Variants in RAVER2 observed in about 807,000 individuals in gnomAD.
RAVER2 encodes ribonucleoprotein, PTB binding 2, also known as ribonucleoprotein PTB-binding 2.
A neutral mutation model predicts 78.1 loss-of-function variants in RAVER2; 46 were observed. The observed-to-expected ratio is 0.59, with a 90% CI of 0.46 to 0.75. The LOEUF (loss-of-function observed/expected upper bound fraction) is 0.75. RAVER2 is among the 30% of genes least tolerant of loss of function. The pLI is 0.00. For missense variants in RAVER2, 793 were observed against 837.5 expected (o/e 0.95, Z 0.66); for synonymous variants, 311 against 313.3 (o/e 0.99, Z 0.08).
At chr1:64,812,261 C>T (rs12047654) in intron 9 of RAVER2, among the ~76,000 whole-genome samples, 7,135 of 147,742 alleles carry the variant, frequency 0.048, 393 homozygotes, top group East Asian at 0.27. Context: ...ACTCAGGAGG[C>T]GGAAGCAGGA....
At chr1:64,807,333 C>A in exon 9 of RAVER2, 1 of 1,614,076 alleles carries the variant, frequency 6.2e-7, no homozygotes, top group South Asian at 1.1e-5. Flanking sequence ...AACAGCCAGC[C>A]ACGGTGGGAA....
chr1:64,829,916 G>A (rs1343743334), intron 11 of RAVER2, among the ~76,000 whole-genome samples: 1 of 152,134 alleles, frequency 6.6e-6, no homozygotes, highest in African/African-American at 2.4e-5. Context: ...GGACCACTGA[G>A]AACTACTTTA....
At chr1:64,827,469 G>C (rs568695340) in intron 11 of RAVER2, among the ~76,000 whole-genome samples, 1 of 152,138 alleles carries the variant, frequency 6.6e-6, no homozygotes. Context: ...GAACCACTGG[G>C]TGCAAACTAT....
At chr1:64,797,318 G>T (rs1017572326) in intron 5 of RAVER2, among the ~76,000 whole-genome samples, 1 of 152,110 alleles carries the variant, frequency 6.6e-6, no homozygotes, top group African/African-American at 2.4e-5. Context: ...GGGCATAGTG[G>T]GAGTCCTAGC....
chr1:64,806,216 G>A (rs1372054458), intron 8 of RAVER2, among the ~76,000 whole-genome samples: 1 of 152,012 alleles, frequency 6.6e-6, no homozygotes, highest in Non-Finnish European at 1.5e-5. Context: ...TTATTTGCCA[G>A]CCTGGGCAAC....
At chr1:64,776,784 T>C (rs1570545661) in intron 2 of RAVER2, among the ~76,000 whole-genome samples, 1 of 152,152 alleles carries the variant, frequency 6.6e-6, no homozygotes. Context: ...GGTAAACAAA[T>C]TGATATGGTT....
intron 2 of RAVER2, among the ~76,000 whole-genome samples, chr1:64,774,740 G>A (rs1020038250): frequency 6.6e-6 from 1 of 152,162 alleles, no homozygotes; most frequent in Non-Finnish European, 1.5e-5. Context: ...GATGGGGATA[G>A]CATTGAATCT....
Position 64,786,083 on chromosome 1 carries a change from T to C in RAVER2, c.979-3305T>C, listed in dbSNP as rs987970979. On this transcript the variant is annotated intron_variant, in intron 4 of 11. Transcript: ENST00000294428. ...TCAGAGTTCTTTTCTTACAATACTT[T>C]GAAAATATTAATTCATTGTCTTCTT... 4.6e-5 allele frequency among the ~76,000 whole-genome samples: 7 copies of C among 152,338 alleles called. No homozygotes were observed. In the East Asian group the frequency reaches 1.2e-3, roughly 25 times the overall value.
intron 11 of RAVER2, among the ~76,000 whole-genome samples, chr1:64,820,689 T>G (rs967734148): frequency 2.6e-5 from 4 of 152,224 alleles, no homozygotes; most frequent in Admixed American, 2.6e-4. Flanking sequence ...CTGCATTAGT[T>G]TCCTAAGGAT....
intron 5 of RAVER2, among the ~76,000 whole-genome samples, chr1:64,793,189 C>T (rs188967159): frequency 2.6e-5 from 4 of 152,074 alleles, no homozygotes; most frequent in East Asian, 3.9e-4. Context: ...GGCAACAGAG[C>T]GAGACTCCAT....
At chr1:64,823,455 A>G (rs1344130478) in intron 11 of RAVER2, among the ~76,000 whole-genome samples, 1 of 152,202 alleles carries the variant, frequency 6.6e-6, no homozygotes, top group East Asian at 1.9e-4. Context: ...TTTGTAGTAT[A>G]CACTCTAGCA....
At chr1:64,819,781 A>T (rs917861528) in intron 11 of RAVER2, among the ~76,000 whole-genome samples, 1 of 152,208 alleles carries the variant, frequency 6.6e-6, no homozygotes, top group African/African-American at 2.4e-5. Context: ...AGGTTTCTCA[A>T]TCTTGGTACT....
chr1:64,753,634 A>G (rs1651767176), intron 1 of RAVER2, among the ~76,000 whole-genome samples: 2 of 143,106 alleles, frequency 1.4e-5, no homozygotes, highest in South Asian at 2.1e-4. Context: ...AGTGATTCTC[A>G]TGCCTCAGCC....
At position 64,751,872 on chromosome 1, in the gene RAVER2, A is replaced by G. The variant is rs776991104; in HGVS notation, c.249+6451A>G. ...TATTAAAATGTAAATAAAATTATTT[A>G]TATATTTTTAAATCCTAAAATTGCT... On this transcript the variant is annotated intron_variant, in intron 1 of 11. Coordinates refer to ENST00000294428, the Ensembl canonical transcript of RAVER2. Among the ~76,000 whole-genome samples, 75 of 152,308 alleles carry G rather than the reference A, an allele frequency of 4.9e-4. 1 individual carries two copies. The highest frequency in any genetic ancestry group is 9.7e-4 in the Non-Finnish European group (66 of 68,024).
At chr1:64,810,726 T>C (rs1055229097) in intron 9 of RAVER2, among the ~76,000 whole-genome samples, 26 of 152,190 alleles carry the variant, frequency 1.7e-4, no homozygotes, top group African/African-American at 6.0e-4. Context: ...TATATTTTCT[T>C]TGGAGAAATG....
At chr1:64,795,974 A>T (rs1445459265) in intron 5 of RAVER2, among the ~76,000 whole-genome samples, 1 of 151,834 alleles carries the variant, frequency 6.6e-6, no homozygotes, top group Non-Finnish European at 1.5e-5. Context: ...TTTACCATCT[A>T]TTTCTAATTG....
In RAVER2 at chr1:64,785,367, CTTTTTTT is replaced by C. The variant is rs67544814; in HGVS notation, c.978+3810_978+3816del. 1.2e-4 allele frequency among the ~76,000 whole-genome samples: 16 copies of C among 129,644 alleles called. No individual in the cohort carries two copies. The South Asian group carries it at 1.5e-3, about 12-fold the overall frequency. The allele number at this position is 129,644 out of a possible 152,430, so 85.1% of individuals were successfully genotyped here. A position where few individuals can be genotyped will look rare whatever the true frequency, so the allele number is the denominator to read the frequency against. ...TGCTGGTGATTGTGCCTGTCCCTAA[CTTTTTTT>C]TTTTTTTTTTTTTGAAATAGAGTCT... On this transcript the variant is annotated intron_variant, in intron 4 of 11. Transcript: ENST00000294428.
At chr1:64,789,560 G>A in intron 5 of RAVER2, 46 bp downstream of exon 5, 1 of 1,355,170 alleles carries the variant, frequency 7.4e-7, no homozygotes, top group East Asian at 2.8e-5. Flanking sequence ...ATGCTAGCAT[G>A]AAGTTAATTT....
intron 5 of RAVER2, among the ~76,000 whole-genome samples, chr1:64,794,013 A>G (rs1393125716): frequency 6.6e-6 from 1 of 152,148 alleles, no homozygotes; most frequent in Non-Finnish European, 1.5e-5. Context: ...ACATTTGTGT[A>G]CTAGTCTTTA....
Sources: gnomAD v4.1 joint callset for allele counts (sites outside exome capture counted in the v4.1 genomes callset) on GRCh38, gnomAD v4.1.1 for gene constraint, MANE v1.5 for transcripts, NCBI Gene and HGNC (gene_info 2026-07-23, HGNC 2026-07-21) for gene names.